Variants in DNAH11 observed in about 807,000 individuals in gnomAD.
DNAH11 encodes dynein axonemal heavy chain 11, also known as axonemal beta dynein heavy chain 11.
Under a neutral mutation model 526.0 loss-of-function variants are expected in DNAH11, and 442 were observed. That is an observed-to-expected ratio of 0.84 (90% CI 0.78 to 0.91). The LOEUF (loss-of-function observed/expected upper bound fraction) is 0.91. DNAH11 is among the 40% of genes least tolerant of loss of function. The probability of loss-of-function intolerance (pLI) is 0.00; values close to 1 mark genes in which losing one functional copy is unlikely to be tolerated. For missense variants in DNAH11, 6,989 were observed against 5,448.7 expected, an observed-to-expected ratio of 1.28 and a Z score of -8.90; for synonymous variants, 2,461 against 1,935.9, an observed-to-expected ratio of 1.27 and a Z score of -7.12.
At chr7:21,752,976 G>A (rs879716335) in intron 54 of DNAH11, among the ~76,000 whole-genome samples, 6 of 152,188 alleles carry the variant, frequency 3.9e-5, no homozygotes, top group Non-Finnish European at 7.3e-5. Flanking sequence ...CTCCTAAAGT[G>A]CTGGGATTAC....
At chr7:21,789,411 C>G in intron 61 of DNAH11, 69 bp downstream of exon 61, 2 of 980,308 alleles carry the variant, frequency 2.0e-6, no homozygotes, top group Non-Finnish European at 3.1e-6. Flanking sequence ...AGGATTCCAC[C>G]CTCAGACAGC....
Position 21,600,785 on chromosome 7 carries a change from A to G in DNAH11, c.3110A>G (p.His1037Arg). 1 of 1,613,868 alleles carries G rather than the reference A, an allele frequency of 6.2e-7. No individual in the cohort carries two copies. The highest frequency in any genetic ancestry group is 1.1e-5 in the South Asian group (1 of 91,068). Reference protein sequence around the residue: ...VLDFRNTLETHTYLWVDDRAE... With the variant: ...VLDFRNTLETRTYLWVDDRAE... The stretch of plus-strand genomic sequence containing the variant: ...GATTTCAGAAACACCCTGGAGACCC[A>G]CACTTACCTCTGGGTGGATGATCGA... Residue 1037 changes from histidine (H) to arginine (R), a missense_variant, in exon 16 of 82, where the codon CAC becomes CGC. His to Arg is a conservative substitution (Grantham distance 29). Coordinates refer to ENST00000409508, the MANE Select transcript of DNAH11 (RefSeq NM_001277115.2).
At chr7:21,808,263 C>T (rs971163261) in intron 63 of DNAH11, among the ~76,000 whole-genome samples, 5 of 151,958 alleles carry the variant, frequency 3.3e-5, no homozygotes, top group African/African-American at 1.2e-4. Flanking sequence ...TTTTATTGAT[C>T]TATAATACTC....
intron 54 of DNAH11, among the ~76,000 whole-genome samples, chr7:21,756,504 T>A (rs1000373708): frequency 6.6e-6 from 1 of 152,102 alleles, no homozygotes; most frequent in Non-Finnish European, 1.5e-5. Flanking sequence ...ACTTAGTTAT[T>A]TGCACCTTTA....
chr7:21,744,650 A>G (rs1786063809), intron 50 of DNAH11, 51 bp downstream of exon 50: 1 of 1,590,568 alleles, frequency 6.3e-7, no homozygotes, highest in Non-Finnish European at 8.6e-7. Context: ...CCAACTGGGT[A>G]TTGGGACTAA....
intron 63 of DNAH11, among the ~76,000 whole-genome samples, chr7:21,815,776 A>G (rs538582285): frequency 1.3e-5 from 2 of 152,202 alleles, no homozygotes; most frequent in Non-Finnish European, 2.9e-5. Flanking sequence ...TTTTGCCACA[A>G]CGTTATTTAT....
rs369862935 is a variant in DNAH11, at chr7:21,765,509, A to C, written c.9022A>C (p.Ile3008Leu). 3 of 1,613,750 alleles carry C rather than the reference A, an allele frequency of 1.9e-6. No individual in the cohort carries two copies. The highest frequency in any genetic ancestry group is 2.2e-5 in the East Asian group (1 of 44,870). ...CCCAGCCATAGTTAACTGCACGGCT[A>C]TTGACTGGTTTCATGCGTGGCCGCA... ...KFPAIVNCTAIDWFHAWPQEA... is the reference protein window; with the variant it reads ...KFPAIVNCTALDWFHAWPQEA... The change falls in exon 55 of 82, where the codon ATT (isoleucine) becomes CTT (leucine). Residue 3008 changes from isoleucine to leucine, a missense_variant. Ile to Leu is a conservative substitution (Grantham distance 5). Coordinates refer to ENST00000409508, the MANE Select transcript of DNAH11 (RefSeq NM_001277115.2).
intron 65 of DNAH11, among the ~76,000 whole-genome samples, chr7:21,825,380 C>CTA (rs1379593114): frequency 1.3e-5 from 2 of 152,242 alleles, no homozygotes; most frequent in Non-Finnish European, 2.9e-5. Context: ...TGTTTATGTT[C>CTA]TATAGTGAGA....
intron 6 of DNAH11, among the ~76,000 whole-genome samples, chr7:21,566,458 TTAC>T (rs1238672243): frequency 4.6e-5 from 7 of 152,184 alleles, no homozygotes; most frequent in Non-Finnish European, 1.0e-4. Flanking sequence ...GCCACCAATT[TTAC>T]TACTTTTATA....
intron 65 of DNAH11, among the ~76,000 whole-genome samples, chr7:21,825,973 A>G (rs1268046267): frequency 6.6e-6 from 1 of 152,014 alleles, no homozygotes; most frequent in African/African-American, 2.4e-5. Context: ...AAAAAAAAAA[A>G]AAAGTGTTTT....
intron 9 of DNAH11, among the ~76,000 whole-genome samples, chr7:21,582,826 G>A (rs1049658435): frequency 1.1e-4 from 16 of 152,152 alleles, no homozygotes; most frequent in African/African-American, 3.1e-4. Flanking sequence ...ATTGAGAATG[G>A]CAGTGCCAAA....
intron 51 of DNAH11, among the ~76,000 whole-genome samples, chr7:21,746,149 C>T (rs1404781888): frequency 6.6e-6 from 1 of 152,164 alleles, no homozygotes; most frequent in African/African-American, 2.4e-5. Context: ...GGCTAAACAG[C>T]TTAACATTGC....
chr7:21,639,127 C>G, intron 28 of DNAH11, 62 bp downstream of exon 28: 3 of 1,497,964 alleles, frequency 2.0e-6, no homozygotes, highest in Non-Finnish European at 2.7e-6. Flanking sequence ...CATAGCGTCT[C>G]TATCATTGTC....
chr7:21,543,178 C>A lies in DNAH11; in HGVS notation c.-68C>A, dbSNP rs1782649745. On this transcript the variant is annotated 5_prime_UTR_variant, in exon 1 of 82. Transcript: ENST00000409508. ...GGGCGCCTGCGGAGGTGTCCTCGCTCACTTCGGGGGGCCCAGAGTCTCGGG... is the reference window on the plus strand; with the variant it reads ...GGGCGCCTGCGGAGGTGTCCTCGCTAACTTCGGGGGGCCCAGAGTCTCGGG... 1 of 1,447,904 alleles carries A rather than the reference C, an allele frequency of 6.9e-7. No homozygotes were observed. The allele number at this position is 1,447,904 out of a possible 1,614,324, so 89.7% of individuals were successfully genotyped here.
intron 75 of DNAH11, among the ~76,000 whole-genome samples, chr7:21,883,609 G>T (rs994068807): frequency 1.3e-5 from 2 of 152,168 alleles, no homozygotes; most frequent in African/African-American, 4.8e-5. Context: ...AATACAAGCT[G>T]ATATAAAGCA....
At chr7:21,755,360 C>G (rs973251080) in intron 54 of DNAH11, among the ~76,000 whole-genome samples, 1 of 152,162 alleles carries the variant, frequency 6.6e-6, no homozygotes, top group Admixed American at 6.5e-5. Context: ...CATCTCCTCT[C>G]CAGTGGACCT....
chr7:21,706,601 A>T (rs772823222), intron 39 of DNAH11, among the ~76,000 whole-genome samples: 4 of 152,196 alleles, frequency 2.6e-5, no homozygotes, highest in Non-Finnish European at 5.9e-5. Context: ...GTTAAATTCT[A>T]TACTTTCCAG....
At chr7:21,832,918 C>T (rs561348151) in intron 65 of DNAH11, among the ~76,000 whole-genome samples, 2 of 152,296 alleles carry the variant, frequency 1.3e-5, no homozygotes, top group East Asian at 3.9e-4. Context: ...TTATTGAAGC[C>T]TGAACACCTG....
chr7:21,600,460 CA>C (rs150244494), intron 15 of DNAH11, among the ~76,000 whole-genome samples: 1 of 151,664 alleles, frequency 6.6e-6, no homozygotes, highest in African/African-American at 2.4e-5. Context: ...CTCAAAAAAA[CA>C]AAAACAAAAC....
Sources: allele counts gnomAD v4.1 joint callset (sites outside exome capture counted in the v4.1 genomes callset), GRCh38; gene constraint gnomAD v4.1.1; transcripts MANE v1.5; gene names NCBI Gene and HGNC (gene_info 2026-07-23, HGNC 2026-07-21).